Variants in RNLS observed in about 807,000 individuals in gnomAD.
RNLS encodes the protein renalase.
A neutral mutation model predicts 39.8 loss-of-function variants in RNLS; 39 were observed. The ratio of observed to expected loss-of-function variants is 0.98; its 90% CI spans 0.76 to 1.28. The LOEUF is 1.28. Ranked by LOEUF, RNLS falls within the 50% of genes most tolerant of loss-of-function variation. The pLI is 0.00. For synonymous variants in RNLS, 147 were observed against 150.7 expected (o/e 0.98, Z 0.18); for missense variants, 410 against 413.3 (o/e 0.99, Z 0.07).
intron 5 of RNLS, among the ~76,000 whole-genome samples, chr10:88,344,795 A>C (rs947422575): frequency 6.6e-6 from 1 of 152,106 alleles, no homozygotes. Context: ...TTCATTTTTT[A>C]CAAACATGAA....
intron 4 of RNLS, among the ~76,000 whole-genome samples, chr10:88,498,569 A>G (rs868591755): frequency 2.0e-5 from 3 of 149,294 alleles, no homozygotes; most frequent in Non-Finnish European, 4.4e-5. Context: ...TATTGTAATT[A>G]TGTTACTGAT....
the RNLS span, among the ~76,000 whole-genome samples, chr10:88,178,551 C>T: frequency 6.6e-6 from 1 of 152,198 alleles, no homozygotes; most frequent in African/African-American, 2.4e-5. Flanking sequence ...TCCCTCTTGA[C>T]TCTGAATTCA....
intron 4 of RNLS, among the ~76,000 whole-genome samples, chr10:88,548,693 A>C (rs1848461735): frequency 6.8e-6 from 1 of 147,894 alleles, no homozygotes; most frequent in African/African-American, 2.5e-5. Flanking sequence ...TTTATATATA[A>C]TATATATTAT....
chr10:88,228,517 C>G, the RNLS span, among the ~76,000 whole-genome samples: 15 of 152,290 alleles, frequency 9.8e-5, 1 homozygote, highest in African/African-American at 3.4e-4. Context: ...TTCCGTGTGC[C>G]TGGAACGGGA....
chr10:88,278,879 T>C (rs1317755169), intron 6 of RNLS, among the ~76,000 whole-genome samples: 1 of 152,222 alleles, frequency 6.6e-6, no homozygotes, highest in Non-Finnish European at 1.5e-5. Context: ...GATTTTCCTT[T>C]GGTACTTACT....
chr10:88,543,236 C>T (rs1033542479), intron 4 of RNLS, among the ~76,000 whole-genome samples: 1 of 152,066 alleles, frequency 6.6e-6, no homozygotes, highest in East Asian at 1.9e-4. Flanking sequence ...TCCTCTGCCG[C>T]ACTATGACTC....
At chr10:88,385,041 G>C (rs1851777486) in intron 4 of RNLS, among the ~76,000 whole-genome samples, 1 of 152,180 alleles carries the variant, frequency 6.6e-6, no homozygotes, top group Non-Finnish European at 1.5e-5. Flanking sequence ...CTATTATAGA[G>C]GATGATGTGA....
At chr10:88,391,400 A>C (rs544940028) in intron 4 of RNLS, among the ~76,000 whole-genome samples, 11 of 152,276 alleles carry the variant, frequency 7.2e-5, no homozygotes, top group African/African-American at 2.2e-4. Context: ...TCTACTAAAA[A>C]TACAAAAATT....
At chr10:88,264,679 G>A in the RNLS span, among the ~76,000 whole-genome samples, 2 of 152,078 alleles carry the variant, frequency 1.3e-5, no homozygotes, top group African/African-American at 2.4e-5. Flanking sequence ...TTTTTGATGG[G>A]ATTGTTTGTT....
chr10:88,477,577 G>C (rs1263078404), intron 4 of RNLS, among the ~76,000 whole-genome samples: 1 of 152,170 alleles, frequency 6.6e-6, no homozygotes, highest in Non-Finnish European at 1.5e-5. Context: ...CGATGACAAG[G>C]ATGATAGTGA....
At chr10:88,542,219 CCTGA>C (rs201467596) in intron 4 of RNLS, among the ~76,000 whole-genome samples, 2,232 of 152,184 alleles carry the variant, frequency 0.015, 31 homozygotes, top group Non-Finnish European at 0.023. Flanking sequence ...GCTCTGAGGG[CCTGA>C]CTGTGAGGCT....
chr10:88,296,948 A>G (rs1189917913), intron 6 of RNLS, among the ~76,000 whole-genome samples: 1 of 152,152 alleles, frequency 6.6e-6, no homozygotes, highest in Non-Finnish European at 1.5e-5. Context: ...TGCTTCTGAG[A>G]TTCATTTACA....
chr10:88,176,722 T>G, the RNLS span, among the ~76,000 whole-genome samples: 153 of 152,330 alleles, frequency 1.0e-3, no homozygotes, highest in Non-Finnish European at 1.7e-3. Flanking sequence ...TTTTTTTCTG[T>G]TTCTGTAATG....
Position 88,275,121 on chromosome 10 carries a change from T to G in RNLS, c.877-89A>C. ...GTCTACACTAATAGTGGTTCTTTGC[T>G]TTCACGGAACATATATAGACCTGGA... On this transcript the variant is annotated intron_variant, in intron 6 of 6. Transcript: ENST00000371947. 3.9e-6 allele frequency: 4 copies of G among 1,015,954 alleles called. No individual in the cohort carries two copies. The South Asian group carries it at 5.3e-5, about 13-fold the overall frequency. 62.9% of individuals were successfully genotyped at this position (1,015,954 alleles called of 1,614,324 possible).
At chr10:88,505,397 CTGTT>C (rs3033854) in intron 4 of RNLS, among the ~76,000 whole-genome samples, 71,407 of 150,912 alleles carry the variant, frequency 0.47, 17,378 homozygotes, top group East Asian at 0.57. Context: ...CAGAGACACT[CTGTT>C]TGTGAGTGTG....
At chr10:88,408,848 T>G (rs1263341198) in intron 4 of RNLS, among the ~76,000 whole-genome samples, 1 of 152,122 alleles carries the variant, frequency 6.6e-6, no homozygotes, top group Non-Finnish European at 1.5e-5. Flanking sequence ...AAATGCAATT[T>G]AAATAAATGG....
intron 6 of RNLS, among the ~76,000 whole-genome samples, chr10:88,311,791 A>AT (rs1845402234): frequency 6.6e-6 from 1 of 152,160 alleles, no homozygotes; most frequent in Non-Finnish European, 1.5e-5. Flanking sequence ...ATGAAAAAAC[A>AT]TTTTTTACCC....
intron 4 of RNLS, among the ~76,000 whole-genome samples, chr10:88,364,528 A>G (rs1057454676): frequency 3.9e-5 from 6 of 152,140 alleles, no homozygotes; most frequent in African/African-American, 1.4e-4. Flanking sequence ...GTCAGGATGA[A>G]GGTAGAGCTC....
intron 4 of RNLS, among the ~76,000 whole-genome samples, chr10:88,392,178 G>A (rs1852247145): frequency 1.3e-5 from 2 of 152,230 alleles, no homozygotes; most frequent in African/African-American, 4.8e-5. Flanking sequence ...ACTGTTGCCT[G>A]AGGCAGTACA....
Sources: allele counts gnomAD v4.1 joint callset (sites outside exome capture counted in the v4.1 genomes callset), GRCh38; gene constraint gnomAD v4.1.1; transcripts MANE v1.5; gene names NCBI Gene and HGNC (gene_info 2026-07-23, HGNC 2026-07-21).